The following AACS variants were observed in gnomAD, a reference collection of about 807,000 sequenced individuals.
AACS encodes acetoacetyl-CoA synthetase.
Under a neutral mutation model 83.1 loss-of-function variants are expected in AACS, and 69 were observed. The observed-to-expected ratio is 0.83, with a 90% CI of 0.68 to 1.01. AACS has a LOEUF of 1.01. Ranked by LOEUF, AACS falls within the 50% of genes least tolerant of loss-of-function variation. The pLI, the probability that AACS is intolerant of heterozygous loss-of-function variation, is 0.00. For synonymous variants in AACS, 333 were observed against 343.4 expected (o/e 0.97, Z 0.33); for missense variants, 866 against 882.2 (o/e 0.98, Z 0.23).
chr12:125,069,507 T>TC (rs1277752980), intron 1 of AACS, among the ~76,000 whole-genome samples: 2 of 152,190 alleles, frequency 1.3e-5, no homozygotes, highest in African/African-American at 4.8e-5. Flanking sequence ...ACCTGTGCAC[T>TC]CCCTGCACAT....
At chr12:125,132,676 C>T (rs1231878535) in intron 14 of AACS, among the ~76,000 whole-genome samples, 2 of 152,126 alleles carry the variant, frequency 1.3e-5, no homozygotes, top group Admixed American at 1.3e-4. Flanking sequence ...GAGGAAAGAC[C>T]TGAAGACCTG....
intron 3 of AACS, among the ~76,000 whole-genome samples, chr12:125,079,959 G>T (rs1270228274): frequency 6.6e-6 from 1 of 152,152 alleles, no homozygotes; most frequent in Non-Finnish European, 1.5e-5. Context: ...ACGATATGTG[G>T]CCTTTTGTGA....
At chr12:125,109,140 G>C (rs192063967) in intron 8 of AACS, among the ~76,000 whole-genome samples, 4 of 151,960 alleles carry the variant, frequency 2.6e-5, no homozygotes, top group African/African-American at 9.6e-5. Flanking sequence ...CTTTTGTTTT[G>C]TTTTGTTTTG....
intron 2 of AACS, among the ~76,000 whole-genome samples, chr12:125,075,595 GTT>G (rs372065695): frequency 1.5e-5 from 2 of 133,226 alleles, no homozygotes; most frequent in Non-Finnish European, 1.6e-5. Context: ...CCCAGCTGGA[GTT>G]TTTTTTTTTT....
rs377151742 is a variant in AACS, at chr12:125,134,186, C to G, written c.1619+114C>G. 2.7e-4 allele frequency: 310 copies of G among 1,130,698 alleles called. 5 individuals carry two copies. The East Asian group carries it at 6.4e-3, about 23-fold the overall frequency. 70.0% of individuals were successfully genotyped at this position (1,130,698 alleles called of 1,614,324 possible). ...AGTGACCCCCTTCCTGGGCACCTCA[C>G]TCCACTCCAGCACCAGGGTGTCCAC... On this transcript the variant is annotated intron_variant, in intron 15 of 17. Transcript: ENST00000316519.
chr12:125,075,283 A>G (rs1955995569), intron 2 of AACS, among the ~76,000 whole-genome samples: 1 of 142,044 alleles, frequency 7.0e-6, no homozygotes, highest in Non-Finnish European at 1.5e-5. Context: ...TTAGTTTTTT[A>G]AACTATTTAG....
rs1001303231 is a variant in AACS at position 125,094,516 on chromosome 12, C to T, written c.570+2993C>T. On this transcript the variant is annotated intron_variant, in intron 5 of 17. Transcript: ENST00000316519. The surrounding 1 kb of genome is among the most constrained non-coding windows in gnomAD (Gnocchi z 4.1). ...TGGCTGTGCTGGGTGCTGAAGGGAC[C>T]CTCTCTGCTGCAGAGCCACAGACCG... 2.0e-5 allele frequency among the ~76,000 whole-genome samples: 3 copies of T among 152,138 alleles called. No individual in the cohort carries two copies. Among genetic ancestry groups the T allele is most frequent in the Admixed American group, 2.0e-4 (3 of 15,258 alleles).
At chr12:125,119,220 G>C (rs1957111531) in intron 10 of AACS, among the ~76,000 whole-genome samples, 1 of 152,214 alleles carries the variant, frequency 6.6e-6, no homozygotes, top group Non-Finnish European at 1.5e-5. Flanking sequence ...GAGAGCACCT[G>C]AAATGGACTC....
rs924643981 is a variant in AACS, at chr12:125,094,987, G to C, written c.570+3464G>C. 2.0e-3 allele frequency among the ~76,000 whole-genome samples: 6 copies of C among 3,076 alleles called. No individual in the cohort carries two copies. Among genetic ancestry groups the C allele is most frequent in the Non-Finnish European group, 5.6e-3 (6 of 1,080 alleles). 2.0% of individuals were successfully genotyped at this position (3,076 alleles called of 152,430 possible). ...AGTGCCATCAGGTGGCCGTGTGTGT[G>C]TGTGTGTGTGTGTGTGTGTGTGTGT... On this transcript the variant is annotated intron_variant, in intron 5 of 17. Coordinates refer to ENST00000316519, the MANE Select transcript of AACS (RefSeq NM_023928.5). This position sits in a 1 kb window ranked among gnomAD's most constrained non-coding sequence, Gnocchi z 4.1.
chr12:125,075,233 A>G (rs1016035674), intron 2 of AACS, among the ~76,000 whole-genome samples: 42 of 150,926 alleles, frequency 2.8e-4, no homozygotes, highest in African/African-American at 9.8e-4. Flanking sequence ...TCAGCTTTCC[A>G]AAGTGCTGGG....
Position 125,128,111 on chromosome 12 carries a change from A to G in AACS, c.1310-50A>G, listed in dbSNP as rs191272510. 2.0e-5 allele frequency: 28 copies of G among 1,422,892 alleles called. No individual in the cohort carries two copies. In the African/African-American group the frequency reaches 3.4e-4, roughly 17 times the overall value. The allele number at this position is 1,422,892 out of a possible 1,614,324, so 88.1% of individuals were successfully genotyped here. ...CTTTGTTGCTCACTAATTTAACACA[A>G]TTTGTCTTGGGCTTCTAAATTTTGA... is the stretch of plus-strand genomic sequence containing the variant. On this transcript the variant is annotated intron_variant, in intron 12 of 17. Coordinates refer to ENST00000316519, the MANE Select transcript of AACS (RefSeq NM_023928.5).
chr12:125,094,634 A>G lies in AACS; in HGVS notation c.570+3111A>G, dbSNP rs1243523668. On this transcript the variant is annotated intron_variant, in intron 5 of 17. Transcript: ENST00000316519. This position sits in a 1 kb window ranked among gnomAD's most constrained non-coding sequence, Gnocchi z 4.1. ...GGCCTCCGTCACTCCCCTGTGCTTT[A>G]CTTCTACCCATTCCATGCTCTCTCC... Among the ~76,000 whole-genome samples the G allele has an allele frequency of 1.3e-5, 2 of 151,966 alleles. No individual in the cohort carries two copies. The highest frequency in any genetic ancestry group is 1.9e-4 in the East Asian group (1 of 5,178).
intron 3 of AACS, among the ~76,000 whole-genome samples, chr12:125,081,850 A>C (rs1238832843): frequency 6.6e-6 from 1 of 150,872 alleles, no homozygotes; most frequent in Non-Finnish European, 1.5e-5. Context: ...GACGCGTACA[A>C]CTCTAGGCAA....
At chr12:125,065,898 C>G (rs114838995) in intron 1 of AACS, among the ~76,000 whole-genome samples, 181 bp downstream of exon 1, 17 of 152,326 alleles carry the variant, frequency 1.1e-4, no homozygotes, top group African/African-American at 3.8e-4. Flanking sequence ...TCCACAGCAC[C>G]TCCTGGCACT....
intron 4 of AACS, among the ~76,000 whole-genome samples, chr12:125,090,253 C>T (rs1213632361): frequency 1.3e-5 from 2 of 151,702 alleles, no homozygotes; most frequent in East Asian, 3.9e-4. Context: ...CATCATCTAC[C>T]CATTCATCCA....
chr12:125,125,448 T>G (rs530664078), intron 12 of AACS, among the ~76,000 whole-genome samples: 2 of 152,150 alleles, frequency 1.3e-5, no homozygotes, highest in African/African-American at 2.4e-5. Context: ...CCTGGGCTCC[T>G]GTGTGTGAGA....
At chr12:125,090,659 A>G (rs1260794292) in intron 4 of AACS, among the ~76,000 whole-genome samples, 1 of 150,474 alleles carries the variant, frequency 6.6e-6, no homozygotes, top group East Asian at 2.0e-4. Flanking sequence ...CCATTTATCT[A>G]TCCTCCATCT....
In AACS at chr12:125,102,818, C is replaced by T. The variant is rs368379704; in HGVS notation, c.685+25C>T. 2.5e-6 allele frequency: 4 copies of T among 1,605,618 alleles called. No individual in the cohort carries two copies. The African/African-American group carries it at 5.4e-5, about 21-fold the overall frequency. On this transcript the variant is annotated intron_variant, in intron 6 of 17. Transcript: ENST00000316519. The stretch of plus-strand genomic sequence containing the variant: ...GGTGTGTGGCCCTTCCGGCTCCCAG[C>T]CGGCATGGCTGGGTGTGTGTGTGGG...
At chr12:125,138,047 G>A (rs780434762) in intron 17 of AACS, among the ~76,000 whole-genome samples, 1 of 152,194 alleles carries the variant, frequency 6.6e-6, no homozygotes, top group Non-Finnish European at 1.5e-5. Flanking sequence ...AAAACAACCT[G>A]TCCAGGAGTG....
Sources: gnomAD v4.1 joint callset for allele counts (sites outside exome capture counted in the v4.1 genomes callset) on GRCh38, gnomAD v4.1.1 for gene constraint, Gnocchi (gnomAD v3.1) non-coding constraint, MANE v1.5 for transcripts, NCBI Gene and HGNC (gene_info 2026-07-23, HGNC 2026-07-21) for gene names.